Variants in NPAS3 observed in about 807,000 individuals in gnomAD.
NPAS3 encodes the protein neuronal PAS domain protein 3.
A neutral mutation model predicts 73.1 loss-of-function variants in NPAS3; 14 were observed. That is an observed-to-expected ratio of 0.19 (90% CI 0.13 to 0.30). NPAS3 has a LOEUF of 0.30. NPAS3 is among the 10% of genes least tolerant of loss of function. NPAS3 has a pLI of 1.00. For synonymous variants in NPAS3, 620 were observed against 541.5 expected (o/e 1.14, Z -2.01); for missense variants, 1,096 against 1,250.0 (o/e 0.88, Z 1.86).
intron 4 of NPAS3, among the ~76,000 whole-genome samples, chr14:33,474,808 C>T (rs2050945114): frequency 6.6e-6 from 1 of 151,994 alleles, no homozygotes; most frequent in Admixed American, 6.6e-5. Flanking sequence ...ATTGTGGTGT[C>T]AATAATAAAA....
chr14:33,319,803 C>T lies in NPAS3; in HGVS notation c.386-47383C>T, dbSNP rs560586268. Among the ~76,000 whole-genome samples, 5 of 152,288 alleles carry T rather than the reference C, an allele frequency of 3.3e-5. No individual in the cohort carries two copies. The East Asian group carries it at 9.7e-4, about 29-fold the overall frequency. Reference sequence around the variant, plus strand: ...AGGTTGAGAAACCTCACACAGAGCACTTGTCACATTGACTTATCAGTTTTT... The same window carrying T: ...AGGTTGAGAAACCTCACACAGAGCATTTGTCACATTGACTTATCAGTTTTT... On this transcript the variant is annotated intron_variant, in intron 3 of 11. Coordinates refer to ENST00000356141, the Ensembl canonical transcript of NPAS3.
intron 4 of NPAS3, among the ~76,000 whole-genome samples, chr14:33,411,174 G>A (rs987068435): frequency 2.6e-5 from 4 of 152,072 alleles, no homozygotes; most frequent in Non-Finnish European, 5.9e-5. Context: ...AATGTCTGGA[G>A]GCTTTTTGTT....
intron 5 of NPAS3, among the ~76,000 whole-genome samples, chr14:33,605,451 G>A (rs989499336): frequency 7.9e-5 from 11 of 138,774 alleles, no homozygotes; most frequent in African/African-American, 2.1e-4. Context: ...CATCTACCTA[G>A]AAAATCTGAT....
intron 1 of NPAS3, among the ~76,000 whole-genome samples, chr14:33,054,811 A>G (rs1285810056): frequency 6.6e-6 from 1 of 152,010 alleles, no homozygotes; most frequent in Non-Finnish European, 1.5e-5. Flanking sequence ...ATGGGGTTTC[A>G]CCGTGTTAGC....
At chr14:33,235,283 C>A (rs1233585222) in intron 3 of NPAS3, among the ~76,000 whole-genome samples, 1 of 151,990 alleles carries the variant, frequency 6.6e-6, no homozygotes, top group Non-Finnish European at 1.5e-5. Context: ...TTTACCTGCA[C>A]GCGTTAATTA....
chr14:33,439,917 C>T (rs1346100213), intron 4 of NPAS3, among the ~76,000 whole-genome samples: 1 of 152,110 alleles, frequency 6.6e-6, no homozygotes, highest in Non-Finnish European at 1.5e-5. Flanking sequence ...AGATCGAGAC[C>T]ATCCTGGCTA....
intron 3 of NPAS3, among the ~76,000 whole-genome samples, chr14:33,335,534 C>A (rs1208907395): frequency 7.9e-5 from 12 of 152,182 alleles, no homozygotes. Context: ...GGCCTTGTCT[C>A]CCTCCAGGGC....
chr14:33,254,818 T>C (rs891934406), intron 3 of NPAS3, among the ~76,000 whole-genome samples: 2 of 152,142 alleles, frequency 1.3e-5, no homozygotes, highest in African/African-American at 4.8e-5. Flanking sequence ...CGTAACTTGG[T>C]TGAAGTTCTT....
intron 6 of NPAS3, among the ~76,000 whole-genome samples, chr14:33,715,978 C>T (rs892764751): frequency 6.6e-6 from 1 of 152,204 alleles, no homozygotes; most frequent in Non-Finnish European, 1.5e-5. Context: ...GTGAGGCCTC[C>T]TCATCCATGT....
chr14:33,275,529 T>C (rs571630500), intron 3 of NPAS3, among the ~76,000 whole-genome samples: 32 of 152,274 alleles, frequency 2.1e-4, no homozygotes, highest in African/African-American at 7.5e-4. Context: ...CAATTAAAAT[T>C]AGTGACAGAG....
intron 7 of NPAS3, among the ~76,000 whole-genome samples, chr14:33,754,930 G>C (rs2062069492): frequency 6.6e-6 from 1 of 152,172 alleles, no homozygotes; most frequent in Non-Finnish European, 1.5e-5. Context: ...ACGAGACCAT[G>C]GACACAGCAG....
intron 6 of NPAS3, among the ~76,000 whole-genome samples, chr14:33,724,529 G>A (rs1399521452): frequency 2.6e-5 from 4 of 152,098 alleles, no homozygotes; most frequent in Non-Finnish European, 5.9e-5. Flanking sequence ...AGCTACTCAG[G>A]AGGCTGAAGC....
intron 2 of NPAS3, among the ~76,000 whole-genome samples, chr14:33,181,013 A>G (rs972451972): frequency 2.0e-5 from 3 of 152,106 alleles, no homozygotes; most frequent in Non-Finnish European, 4.4e-5. Flanking sequence ...AAGAGTCACT[A>G]GAGCACTCCC....
intron 4 of NPAS3, among the ~76,000 whole-genome samples, chr14:33,465,435 TAAC>T (rs1019817932): frequency 1.3e-5 from 2 of 152,176 alleles, no homozygotes; most frequent in Non-Finnish European, 2.9e-5. Context: ...TGCATACAGG[TAAC>T]AAAAAAACAA....
At chr14:33,147,760 C>CACAA (rs1458396544) in intron 2 of NPAS3, among the ~76,000 whole-genome samples, 2 of 117,524 alleles carry the variant, frequency 1.7e-5, no homozygotes, top group African/African-American at 8.2e-5. Flanking sequence ...TATATACACA[C>CACAA]AAAAAAGTTT....
chr14:33,130,829 A>G lies in NPAS3; in HGVS notation c.140+74835A>G, dbSNP rs147074010. On this transcript the variant is annotated intron_variant, in intron 2 of 11. Coordinates refer to ENST00000356141, the Ensembl canonical transcript of NPAS3. Reference sequence around the variant, plus strand: ...TTAATAAACATCATTCTTCACATCCACTCTTGACACAGCATCTCTCTCTTC... The same window carrying G: ...TTAATAAACATCATTCTTCACATCCGCTCTTGACACAGCATCTCTCTCTTC... Among the ~76,000 whole-genome samples, 1,222 of 152,040 alleles carry G rather than the reference A, an allele frequency of 8.0e-3. 41 individuals carry two copies. The highest frequency in any genetic ancestry group is 0.048 in the Admixed American group (738 of 15,244).
At chr14:33,479,562 T>C (rs1434799676) in intron 4 of NPAS3, among the ~76,000 whole-genome samples, 1 of 152,206 alleles carries the variant, frequency 6.6e-6, no homozygotes, top group Non-Finnish European at 1.5e-5. Flanking sequence ...AGAAAAGCTC[T>C]AAAGCCATGT....
chr14:33,353,171 A>T (rs866001066), intron 3 of NPAS3, among the ~76,000 whole-genome samples: 28 of 152,016 alleles, frequency 1.8e-4, no homozygotes, highest in East Asian at 9.6e-4. Flanking sequence ...AAAAAAAAAA[A>T]ATATTGGGAA....
chr14:33,130,997 T>C (rs1184099102), intron 2 of NPAS3, among the ~76,000 whole-genome samples: 1 of 152,118 alleles, frequency 6.6e-6, no homozygotes, highest in African/African-American at 2.4e-5. Flanking sequence ...CTTAAAGATA[T>C]ACAGAGAAGT....
Sources: gnomAD v4.1 joint callset for allele counts (sites outside exome capture counted in the v4.1 genomes callset) on GRCh38, gnomAD v4.1.1 for gene constraint, MANE v1.5 for transcripts, NCBI Gene and HGNC (gene_info 2026-07-23, HGNC 2026-07-21) for gene names.